The following VSTM2A variants were observed in gnomAD, a reference collection of about 807,000 sequenced individuals.
The protein encoded by VSTM2A is V-set and transmembrane domain containing 2A.
In VSTM2A, 13 loss-of-function variants were observed where a neutral mutation model predicts 27.3. The observed-to-expected ratio is 0.48, with a 90% confidence interval of 0.31 to 0.76. The LOEUF is 0.76. VSTM2A is among the 30% of genes least tolerant of loss of function. The pLI, the probability that VSTM2A is intolerant of heterozygous loss-of-function variation, is 0.05. For synonymous variants in VSTM2A, 142 were observed against 125.7 expected, an observed-to-expected ratio of 1.13 and a Z score of -0.87; for missense variants, 280 against 310.0, an observed-to-expected ratio of 0.90 and a Z score of 0.73.
chr7:54,542,920 G>C (rs1210906096), intron 1 of VSTM2A, 111 bp downstream of exon 1: 3 of 994,298 alleles, frequency 3.0e-6, no homozygotes, highest in Admixed American at 2.2e-5. Context: ...GTAACAGTGG[G>C]CTTAGGCTGT....
chr7:54,563,672 T>TG (rs1257613575), intron 4 of VSTM2A, among the ~76,000 whole-genome samples: 1 of 152,108 alleles, frequency 6.6e-6, no homozygotes, highest in Non-Finnish European at 1.5e-5. Flanking sequence ...CCTGTAGACC[T>TG]GCGTTCGTGG....
At chr7:54,551,671 T>C (rs1788204715) in intron 4 of VSTM2A, 1 of 152,210 alleles carries the variant, frequency 6.6e-6, no homozygotes, top group Non-Finnish European at 1.5e-5. Flanking sequence ...TTTGTGACTA[T>C]TATTTGAGGA....
intron 4 of VSTM2A, among the ~76,000 whole-genome samples, chr7:54,553,458 G>GC (rs765123452): frequency 2.0e-5 from 3 of 152,094 alleles, no homozygotes; most frequent in Non-Finnish European, 2.9e-5. Flanking sequence ...ACTCTCCTCT[G>GC]CCCACTTTTT....
intron 2 of VSTM2A, among the ~76,000 whole-genome samples, chr7:54,545,538 A>G (rs1424847508): frequency 1.1e-5 from 1 of 87,992 alleles, no homozygotes; most frequent in Non-Finnish European, 2.2e-5. Flanking sequence ...GGAAGGGAGA[A>G]TTGGAGTGGG....
chr7:54,542,601 A>T lies in VSTM2A; in HGVS notation c.-130A>T, dbSNP rs1246015593. 5.2e-6 allele frequency: 4 copies of T among 771,414 alleles called. No individual in the cohort carries two copies. Among genetic ancestry groups the T allele is most frequent in the Non-Finnish European group, 8.7e-6 (4 of 458,082 alleles). 47.8% of individuals were successfully genotyped at this position (771,414 alleles called of 1,614,324 possible). A position where few individuals can be genotyped will look rare whatever the true frequency, so the allele number is the denominator to read the frequency against. ...TTCTCCCCACAGCCAGCCCTCGCCA[A>T]GCAAGCAGCAGGATGTTTGCAGTGT... On this transcript the variant is annotated 5_prime_UTR_variant, in exon 1 of 5. The change creates a new upstream start codon in the 5' untranslated region. Transcript: ENST00000402613.
chr7:54,551,754 A>G (rs1253891896), intron 4 of VSTM2A: 8 of 152,224 alleles, frequency 5.3e-5, no homozygotes, highest in Non-Finnish European at 1.5e-5. Flanking sequence ...CACTACAGGC[A>G]AGATTACAGA....
intron 4 of VSTM2A, among the ~76,000 whole-genome samples, chr7:54,566,485 C>G (rs760876340): frequency 5.3e-5 from 8 of 152,102 alleles, no homozygotes; most frequent in Non-Finnish European, 1.0e-4. Context: ...TGCTGAAGTT[C>G]AGAGGAGAGA....
intron 4 of VSTM2A, among the ~76,000 whole-genome samples, chr7:54,555,972 A>G (rs1325978811): frequency 6.6e-6 from 1 of 152,196 alleles, no homozygotes; most frequent in Non-Finnish European, 1.5e-5. Flanking sequence ...GTGTAGAACC[A>G]GAAATAAGTA....
rs770078648 is a variant in VSTM2A at position 54,569,981 on chromosome 7, A to T, written c.*762A>T. On this transcript the variant is annotated 3_prime_UTR_variant, in exon 5 of 5. Coordinates refer to ENST00000402613, the MANE Select transcript of VSTM2A (RefSeq NM_001301009.2). ...AATGACCAACTTTTTTTGACGAAGC[A>T]TTTGTTTTTCGTTGATAATTCATAC... 8.5e-5 allele frequency: 13 copies of T among 152,060 alleles called. 1 individual carries two copies. The highest frequency in any genetic ancestry group is 1.9e-4 in the Non-Finnish European group (13 of 68,002). 9.4% of individuals were successfully genotyped at this position (152,060 alleles called of 1,614,324 possible).
chr7:54,564,450 C>A (rs1788659714), intron 4 of VSTM2A, among the ~76,000 whole-genome samples: 1 of 152,164 alleles, frequency 6.6e-6, no homozygotes, highest in East Asian at 1.9e-4. Context: ...CCTATCTAAG[C>A]CAACTAAACT....
intron 4 of VSTM2A, among the ~76,000 whole-genome samples, chr7:54,563,393 A>G (rs950656): frequency 0.14 from 20,629 of 152,142 alleles, 2,558 homozygotes; most frequent in African/African-American, 0.32. Flanking sequence ...AGGTAAAGAA[A>G]TCGTAAGTGT....
intron 4 of VSTM2A, among the ~76,000 whole-genome samples, chr7:54,552,711 T>G (rs1009154801): frequency 1.3e-5 from 2 of 152,218 alleles, no homozygotes; most frequent in Non-Finnish European, 2.9e-5. Flanking sequence ...ATTTCATTAT[T>G]CTATGAAAGG....
At chr7:54,567,032 C>A (rs1409876092) in intron 4 of VSTM2A, among the ~76,000 whole-genome samples, 1 of 151,996 alleles carries the variant, frequency 6.6e-6, no homozygotes, top group African/African-American at 2.4e-5. Context: ...ATTTTAGATC[C>A]TCAGATTTCA....
At position 54,544,763 on chromosome 7, in the gene VSTM2A, C is replaced by T. The variant is rs1455126018; in HGVS notation, c.221C>T (p.Pro74Leu). The T allele has an allele frequency of 1.2e-6, 2 of 1,611,266 alleles. No individual in the cohort carries two copies. The highest frequency in any genetic ancestry group is 1.1e-5 in the South Asian group (1 of 90,978). ...CTGCGGGGGCCGGAGGACCTGGATCCCGGGGCCGAGGGGGCCGGCGCGCAG... is the reference window on the plus strand; with the variant it reads ...CTGCGGGGGCCGGAGGACCTGGATCTCGGGGCCGAGGGGGCCGGCGCGCAG... ...WFLRGPEDLD[P>L]GAEGAGAQVE... is the part of the protein sequence containing the mutation. Residue 74 changes from proline (P) to leucine (L), a missense_variant, in exon 2 of 5, where the codon CCC (proline) becomes CTC (leucine). Physicochemically the swap from Pro to Leu is moderately conservative, Grantham distance 98. Transcript: ENST00000402613.
At chr7:54,550,224 A>G in intron 4 of VSTM2A, 54 bp downstream of exon 4, 1 of 1,554,364 alleles carries the variant, frequency 6.4e-7, no homozygotes. Flanking sequence ...CGCTCCACAG[A>G]AAGGTCAGTC....
intron 3 of VSTM2A, chr7:54,547,223 C>G (rs545287206): frequency 2.4e-4 from 112 of 464,918 alleles, no homozygotes; most frequent in African/African-American, 2.1e-3. Flanking sequence ...CGTTTGCTAT[C>G]CAGAGAGGTT....
chr7:54,561,819 T>C (rs1788570637), intron 4 of VSTM2A, among the ~76,000 whole-genome samples: 1 of 152,240 alleles, frequency 6.6e-6, no homozygotes, highest in African/African-American at 2.4e-5. Flanking sequence ...TCTGAAGCCA[T>C]GTAATTTATG....
At chr7:54,553,389 A>G (rs938988878) in intron 4 of VSTM2A, among the ~76,000 whole-genome samples, 2 of 152,312 alleles carry the variant, frequency 1.3e-5, no homozygotes, top group African/African-American at 2.4e-5. Context: ...GCCGTCTTCA[A>G]TTGTTCTGAA....
At position 54,569,733 on chromosome 7, in the gene VSTM2A, C is replaced by T. The variant is rs1183115502; in HGVS notation, c.*514C>T. 6.5e-6 allele frequency: 1 copy of T among 154,730 alleles called. No homozygotes were observed. The highest frequency in any genetic ancestry group is 6.4e-5 in the Admixed American group (1 of 15,746). The allele number at this position is 154,730 out of a possible 1,614,324, so 9.6% of individuals were successfully genotyped here. On this transcript the variant is annotated 3_prime_UTR_variant, in exon 5 of 5. Transcript: ENST00000402613. ...GCAAGTGCTGGTTATGGCCAATCTC[C>T]GTCAATCCTAGGAGGTTTATAGAAC...
Sources: allele counts gnomAD v4.1 joint callset (sites outside exome capture counted in the v4.1 genomes callset), GRCh38; gene constraint gnomAD v4.1.1; transcripts MANE v1.5; gene names NCBI Gene and HGNC (gene_info 2026-07-23, HGNC 2026-07-21).